FAM78B: variants seen among roughly 807,000 people sequenced by gnomAD.
FAM78B encodes family with sequence similarity 78 member B.
In FAM78B, 10 loss-of-function variants were observed where a neutral mutation model predicts 20.0. That is an observed-to-expected ratio of 0.50 (90% CI 0.31 to 0.85). The LOEUF (loss-of-function observed/expected upper bound fraction) is 0.85. Among genes scored for constraint, FAM78B ranks in the 40% least tolerant of loss-of-function variants. The probability of loss-of-function intolerance (pLI) is 0.05; values close to 1 mark genes in which losing one functional copy is unlikely to be tolerated. For missense variants in FAM78B, 283 were observed against 345.0 expected (o/e 0.82, Z 1.42); for synonymous variants, 135 against 132.8 (o/e 1.02, Z -0.12).
intron 1 of FAM78B, among the ~76,000 whole-genome samples, chr1:166,073,717 G>A (rs972820446): frequency 6.6e-6 from 1 of 152,108 alleles, no homozygotes; most frequent in Non-Finnish European, 1.5e-5. Flanking sequence ...GAATGCCAGA[G>A]GCATTTCAAA....
chr1:166,160,877 AT>A (rs1307443423), intron 1 of FAM78B, among the ~76,000 whole-genome samples: 2 of 152,230 alleles, frequency 1.3e-5, no homozygotes, highest in African/African-American at 4.8e-5. Flanking sequence ...ATTCTTAGTA[AT>A]GGTAACCAGT....
intron 1 of FAM78B, among the ~76,000 whole-genome samples, chr1:166,160,981 G>A (rs2116519): frequency 0.61 from 93,459 of 152,074 alleles, 30,494 homozygotes; most frequent in Non-Finnish European, 0.75. Context: ...TAGCGGCTGA[G>A]ACCGGAATGA....
chr1:166,153,913 CA>C (rs1213807031), intron 1 of FAM78B, among the ~76,000 whole-genome samples: 3 of 152,202 alleles, frequency 2.0e-5, no homozygotes, highest in Non-Finnish European at 4.4e-5. Context: ...CATTCTTCCC[CA>C]ACCCCACCTC....
intron 1 of FAM78B, among the ~76,000 whole-genome samples, chr1:166,096,699 C>A (rs1255597647): frequency 1.6e-4 from 24 of 152,158 alleles, no homozygotes; most frequent in Admixed American, 1.5e-3. Flanking sequence ...CTCTCCTTAC[C>A]CAGTTGGTCT....
At chr1:166,090,066 T>C (rs1023442486) in intron 1 of FAM78B, among the ~76,000 whole-genome samples, 3 of 152,210 alleles carry the variant, frequency 2.0e-5, no homozygotes, top group African/African-American at 4.8e-5. Flanking sequence ...CTTGCAGAAA[T>C]AGCTCTTTCA....
At chr1:166,065,111 T>A (rs1651750612), downstream of FAM78B, among the ~76,000 whole-genome samples, 1 of 152,160 alleles carries the variant, frequency 6.6e-6, no homozygotes, top group Non-Finnish European at 1.5e-5. Flanking sequence ...CAGAGATCAA[T>A]TAGGGCACTC....
chr1:166,083,044 A>G (rs983368920), intron 1 of FAM78B, among the ~76,000 whole-genome samples: 1 of 152,234 alleles, frequency 6.6e-6, no homozygotes, highest in Non-Finnish European at 1.5e-5. Flanking sequence ...CTCTACTTGC[A>G]GCCCTTGAAG....
intron 1 of FAM78B, among the ~76,000 whole-genome samples, chr1:166,109,837 T>TATAC (rs1653941351): frequency 1.7e-4 from 3 of 17,148 alleles, no homozygotes; most frequent in Non-Finnish European, 3.4e-4. Context: ...TATATGTATA[T>TATAC]ATGTATATAT....
At chr1:166,119,611 TAA>T (rs1654390979) in intron 1 of FAM78B, among the ~76,000 whole-genome samples, 1 of 152,224 alleles carries the variant, frequency 6.6e-6, no homozygotes, top group Non-Finnish European at 1.5e-5. Context: ...GCTGCCTCCC[TAA>T]GAGAGCTGTT....
chr1:166,123,685 G>T (rs1452275189), intron 1 of FAM78B, among the ~76,000 whole-genome samples: 1 of 152,190 alleles, frequency 6.6e-6, no homozygotes, highest in Non-Finnish European at 1.5e-5. Flanking sequence ...GTTCCTAGCA[G>T]AAAAGAACCA....
At chr1:166,080,083 T>C (rs1652504669) in intron 1 of FAM78B, among the ~76,000 whole-genome samples, 1 of 152,192 alleles carries the variant, frequency 6.6e-6, no homozygotes. Context: ...ATCTTTCCGC[T>C]AGTGAGGGGC....
rs116078930 is a variant in FAM78B, at chr1:166,143,219, T to C, written c.263+22767A>G. Among the ~76,000 whole-genome samples the C allele has an allele frequency of 9.0e-3, 1,374 of 152,204 alleles. 25 individuals are homozygous for C. The highest frequency in any genetic ancestry group is 0.031 in the African/African-American group (1,299 of 41,522). ...TAATATATAGTAGAGGCTGGGACAG[T>C]GGCAGGGAAGAGGCCTAATTCAGAC... On this transcript the variant is annotated intron_variant, in intron 1 of 1. Transcript: ENST00000354422.
downstream of FAM78B, among the ~76,000 whole-genome samples, chr1:166,065,974 G>C (rs1651778537): frequency 2.6e-5 from 4 of 152,174 alleles, no homozygotes; most frequent in South Asian, 8.3e-4. Context: ...ACTCAGTTGG[G>C]AGCTGGCTCT....
chr1:166,064,599 A>G (rs1385085040), downstream of FAM78B, among the ~76,000 whole-genome samples: 1 of 152,146 alleles, frequency 6.6e-6, no homozygotes, highest in Non-Finnish European at 1.5e-5. Context: ...CCCTGAACAA[A>G]CAAGGTGGCT....
At chr1:166,113,482 A>G (rs1654137872) in intron 1 of FAM78B, among the ~76,000 whole-genome samples, 1 of 152,258 alleles carries the variant, frequency 6.6e-6, no homozygotes, top group Non-Finnish European at 1.5e-5. Context: ...GCGACTAAGC[A>G]TACAACTAAA....
intron 1 of FAM78B, chr1:166,081,285 A>G (rs1652562415): frequency 6.6e-6 from 1 of 152,120 alleles, no homozygotes; most frequent in African/African-American, 2.4e-5. Flanking sequence ...ACATCTTCTC[A>G]CTGTGTATTT....
chr1:166,093,251 C>T (rs888275564), intron 1 of FAM78B, among the ~76,000 whole-genome samples: 2 of 152,016 alleles, frequency 1.3e-5, no homozygotes, highest in African/African-American at 2.4e-5. Flanking sequence ...AACAGATATT[C>T]GGCAGAAAGG....
At chr1:166,127,488 G>C (rs1654686679) in intron 1 of FAM78B, among the ~76,000 whole-genome samples, 2 of 152,160 alleles carry the variant, frequency 1.3e-5, no homozygotes, top group African/African-American at 4.8e-5. Context: ...TGCTTGAGGA[G>C]TCTCTAACCT....
At chr1:166,160,973 G>A (rs1396858921) in intron 1 of FAM78B, among the ~76,000 whole-genome samples, 2 of 152,230 alleles carry the variant, frequency 1.3e-5, no homozygotes, top group Non-Finnish European at 2.9e-5. Context: ...AGAGGAGATA[G>A]CGGCTGAGAC....
Sources: allele counts gnomAD v4.1 joint callset (sites outside exome capture counted in the v4.1 genomes callset), GRCh38; gene constraint gnomAD v4.1.1; transcripts MANE v1.5; gene names NCBI Gene and HGNC (gene_info 2026-07-23, HGNC 2026-07-21).